The following GSE1 variants were observed in gnomAD, a reference collection of about 807,000 sequenced individuals.
The protein encoded by GSE1 is genetic suppressor element 1.
Under a neutral mutation model 112.6 loss-of-function variants are expected in GSE1, and 32 were observed. The ratio of observed to expected loss-of-function variants is 0.28; its 90% CI spans 0.21 to 0.38. The LOEUF is 0.38. Ranked by LOEUF, GSE1 falls within the 10% of genes least tolerant of loss-of-function variation. GSE1 has a pLI of 1.00. For missense variants in GSE1, 2,348 were observed against 1,699.2 expected, an observed-to-expected ratio of 1.38 and a Z score of -6.71; for synonymous variants, 1,115 against 735.6, an observed-to-expected ratio of 1.52 and a Z score of -8.35.
chr16:85,534,774 C>A (rs897392429), intron 2 of GSE1, among the ~76,000 whole-genome samples: 5 of 152,160 alleles, frequency 3.3e-5, no homozygotes, highest in African/African-American at 1.2e-4. Flanking sequence ...GAGATGCAGT[C>A]ACACAGCGTT....
intron 2 of GSE1, among the ~76,000 whole-genome samples, chr16:85,394,174 T>C (rs1452328018): frequency 3.4e-5 from 5 of 149,036 alleles, no homozygotes; most frequent in Admixed American, 3.3e-4. Flanking sequence ...AACACAAACA[T>C]CTGTGAGGGG....
At chr16:85,657,227 ATGCTGGCCCACGTGGCTGAGATCC>A (rs1167707584) in intron 7 of GSE1, 26 bp from the exon 8 acceptor site, 1 of 1,287,566 alleles carries the variant, frequency 7.8e-7, no homozygotes. Flanking sequence ...GGGAGGGAGC[ATGCTGGCCCACGTGGCTGAGATCC>A]TGCTTGACCG....
In GSE1 at chr16:85,521,686, G is replaced by A. The variant is rs943303300; in HGVS notation, c.2465-112228G>A. 2.0e-5 allele frequency among the ~76,000 whole-genome samples: 3 copies of A among 152,252 alleles called. No homozygotes were observed. The South Asian group carries it at 6.2e-4, about 32-fold the overall frequency. Reference sequence around the variant, plus strand: ...CTCTGCATCTGAGTAGCGGCTAAGGGGTTTCCATCTCCCGCCTGGAGGAGC... The same window carrying A: ...CTCTGCATCTGAGTAGCGGCTAAGGAGTTTCCATCTCCCGCCTGGAGGAGC... On this transcript the variant is annotated intron_variant, in intron 2 of 2. Coordinates refer to the GSE1 transcript ENST00000637419.
At chr16:85,556,513 C>G (rs1277439959) in intron 1 of GSE1, 6 of 177,306 alleles carry the variant, frequency 3.4e-5, no homozygotes, top group African/African-American at 1.4e-4. Flanking sequence ...GCCTCGGATC[C>G]TCCCGCTGCG....
At chr16:85,635,070 C>G (rs2049874646) in intron 2 of GSE1, among the ~76,000 whole-genome samples, 1 of 152,320 alleles carries the variant, frequency 6.6e-6, no homozygotes, top group Admixed American at 6.5e-5. Flanking sequence ...CATGCAGGAG[C>G]CATGTCCGTC....
intron 1 of GSE1, among the ~76,000 whole-genome samples, chr16:85,584,215 C>G (rs2046583559): frequency 6.6e-6 from 1 of 152,134 alleles, no homozygotes; most frequent in East Asian, 1.9e-4. Context: ...CCCAAGATGC[C>G]AGGCTGGTTC....
chr16:85,197,708 C>G (rs941305353), intron 1 of GSE1, among the ~76,000 whole-genome samples: 1 of 152,202 alleles, frequency 6.6e-6, no homozygotes, highest in Non-Finnish European at 1.5e-5. Context: ...CGTCCCCACT[C>G]TGTGTCACCT....
chr16:85,567,036 C>T (rs1010188166), intron 1 of GSE1, among the ~76,000 whole-genome samples: 1 of 139,344 alleles, frequency 7.2e-6, no homozygotes, highest in Non-Finnish European at 1.6e-5. Context: ...TTACTCCCGC[C>T]CCCACCCCCA....
chr16:85,669,824 T>A (rs777723347), intron 14 of GSE1, among the ~76,000 whole-genome samples: 34 of 152,230 alleles, frequency 2.2e-4, no homozygotes, highest in Admixed American at 4.6e-4. Context: ...CCAGTTGTCC[T>A]GGCAATGTGT....
intron 2 of GSE1, among the ~76,000 whole-genome samples, chr16:85,540,740 C>A (rs968324892): frequency 8.5e-5 from 13 of 152,140 alleles, no homozygotes; most frequent in Non-Finnish European, 1.8e-4. Flanking sequence ...CATGGTGAGA[C>A]CCTGTCTCTT....
chr16:85,313,853 G>A (rs1417499660), intron 1 of GSE1, among the ~76,000 whole-genome samples: 1 of 152,240 alleles, frequency 6.6e-6, no homozygotes, highest in African/African-American at 2.4e-5. Flanking sequence ...GGAGGCCGGA[G>A]GACCCAAGAT....
At chr16:85,606,339 G>T (rs1262215302) in intron 1 of GSE1, among the ~76,000 whole-genome samples, 1 of 152,240 alleles carries the variant, frequency 6.6e-6, no homozygotes, top group South Asian at 2.1e-4. Context: ...CAGCAGGAGC[G>T]CTGGGAAGGC....
At chr16:85,242,761 C>T (rs958492608) in intron 1 of GSE1, among the ~76,000 whole-genome samples, 5 of 152,174 alleles carry the variant, frequency 3.3e-5, no homozygotes, top group African/African-American at 9.7e-5. Context: ...TGGGCTTGGA[C>T]ATCTTTGCAA....
intron 2 of GSE1, among the ~76,000 whole-genome samples, chr16:85,411,223 C>T (rs2048533840): frequency 2.1e-5 from 1 of 46,904 alleles, no homozygotes; most frequent in Admixed American, 2.6e-4. Flanking sequence ...CCCGGATAAT[C>T]CTCACTGTTA....
At chr16:85,364,459 G>A (rs373640164) in intron 2 of GSE1, among the ~76,000 whole-genome samples, 6 of 152,190 alleles carry the variant, frequency 3.9e-5, no homozygotes, top group African/African-American at 7.2e-5. Context: ...TTTTGAGTCC[G>A]TGCTTAGCCT....
upstream of GSE1, among the ~76,000 whole-genome samples, chr16:85,553,969 C>T (rs779094625): frequency 1.3e-4 from 20 of 152,116 alleles, no homozygotes; most frequent in Admixed American, 6.5e-4. Flanking sequence ...AGCGCGGTGC[C>T]CCGCCGTGTG....
chr16:85,231,115 T>A (rs1904280709), intron 1 of GSE1, among the ~76,000 whole-genome samples: 1 of 133,306 alleles, frequency 7.5e-6, no homozygotes, highest in Non-Finnish European at 1.6e-5. Flanking sequence ...AATGGATGGA[T>A]GAAAGGATGG....
chr16:85,187,423 T>C (rs776424581), intron 1 of GSE1, among the ~76,000 whole-genome samples: 4 of 152,200 alleles, frequency 2.6e-5, no homozygotes, highest in Non-Finnish European at 5.9e-5. Context: ...AGAGCCCTGC[T>C]CTGGGGGAAG....
At chr16:85,613,252 G>A, upstream of GSE1, 1 of 1,523,864 alleles carries the variant, frequency 6.6e-7, no homozygotes, top group South Asian at 1.2e-5. Context: ...TTCTTGGCCG[G>A]GGCCCCGGAA....
Sources: gnomAD v4.1 joint callset for allele counts (sites outside exome capture counted in the v4.1 genomes callset) on GRCh38, gnomAD v4.1.1 for gene constraint, MANE v1.5 for transcripts, NCBI Gene and HGNC (gene_info 2026-07-23, HGNC 2026-07-21) for gene names.